ZNG1A: variants seen among roughly 807,000 people sequenced by gnomAD.
ZNG1A encodes Zn regulated GTPase metalloprotein activator 1A.
chr9:171,216 C>A, the ZNG1A span, among the ~76,000 whole-genome samples: 1 of 152,056 alleles, frequency 6.6e-6, no homozygotes. Context: ...AACCACTGAT[C>A]ACATTTGAAC....
At chr9:148,702 C>A in the ZNG1A span, 1 of 145,776 alleles carries the variant, frequency 6.9e-6, no homozygotes, top group African/African-American at 2.6e-5. Flanking sequence ...ATTTCTTGAA[C>A]TCTCTATTCC....
At chr9:144,784 T>A in the ZNG1A span, among the ~76,000 whole-genome samples, 1 of 150,988 alleles carries the variant, frequency 6.6e-6, no homozygotes. Flanking sequence ...AGAAAATTTT[T>A]GCAACCTACT....
At chr9:155,396 G>C in the ZNG1A span, among the ~76,000 whole-genome samples, 2 of 151,444 alleles carry the variant, frequency 1.3e-5, no homozygotes, top group African/African-American at 4.9e-5. Flanking sequence ...AGTCCAACCT[G>C]GGCAACATAG....
At chr9:171,684 T>C in the ZNG1A span, 1 of 250,638 alleles carries the variant, frequency 4.0e-6, no homozygotes, top group South Asian at 4.8e-5. Context: ...CACCATTTTA[T>C]GTAAGGGACT....
At chr9:128,446 C>G in the ZNG1A span, among the ~76,000 whole-genome samples, 6 of 151,424 alleles carry the variant, frequency 4.0e-5, no homozygotes, top group Non-Finnish European at 5.9e-5. Flanking sequence ...TCTGAATTTC[C>G]TTCTTCTACT....
the ZNG1A span, chr9:154,273 T>C: frequency 5.7e-6 from 1 of 175,836 alleles, no homozygotes; most frequent in Non-Finnish European, 1.1e-5. Flanking sequence ...CAGAATAGGC[T>C]CTATAGAATA....
the ZNG1A span, among the ~76,000 whole-genome samples, chr9:145,344 T>G: frequency 2.0e-5 from 3 of 150,130 alleles, no homozygotes; most frequent in Non-Finnish European, 4.5e-5. Context: ...GTGGCACATA[T>G]ACACCATGGA....
the ZNG1A span, among the ~76,000 whole-genome samples, chr9:132,352 T>TAAA: frequency 4.2e-4 from 38 of 91,174 alleles, no homozygotes; most frequent in African/African-American, 1.0e-3. Flanking sequence ...CCATCTCTAC[T>TAAA]AAAAAAAAAA....
the ZNG1A span, among the ~76,000 whole-genome samples, chr9:163,417 C>T: frequency 6.6e-6 from 1 of 151,562 alleles, no homozygotes; most frequent in African/African-American, 2.4e-5. Context: ...ACCTACAAAG[C>T]ATTTTTTTTT....
chr9:156,386 G>A, the ZNG1A span: 6 of 1,457,690 alleles, frequency 4.1e-6, no homozygotes, highest in African/African-American at 8.6e-5. Flanking sequence ...CCTTGACTAT[G>A]TTTTAAAATT....
the ZNG1A span, among the ~76,000 whole-genome samples, chr9:178,419 C>A: frequency 1.4e-5 from 2 of 145,784 alleles, no homozygotes; most frequent in Non-Finnish European, 3.1e-5. Flanking sequence ...ACGGGACATC[C>A]TTTAATGGCA....
chr9:157,322 T>A, the ZNG1A span, among the ~76,000 whole-genome samples: 3 of 146,682 alleles, frequency 2.0e-5, no homozygotes, highest in Non-Finnish European at 3.0e-5. Flanking sequence ...CCTGTTTACA[T>A]CCCTAACGTC....
the ZNG1A span, among the ~76,000 whole-genome samples, chr9:170,599 T>G: frequency 6.7e-6 from 1 of 149,622 alleles, no homozygotes; most frequent in African/African-American, 2.5e-5. Context: ...TTGGCTAGGC[T>G]GGTCTTGAAC....
chr9:142,709 A>T, the ZNG1A span, among the ~76,000 whole-genome samples: 2 of 142,562 alleles, frequency 1.4e-5, no homozygotes, highest in African/African-American at 5.5e-5. Context: ...GAACTGAAGG[A>T]AATAGAGACA....
chr9:144,890 A>T, the ZNG1A span, among the ~76,000 whole-genome samples: 1 of 151,640 alleles, frequency 6.6e-6, no homozygotes, highest in East Asian at 1.9e-4. Flanking sequence ...GGCGAAGGAC[A>T]TGAACAGACA....
the ZNG1A span, chr9:162,411 C>G: frequency 1.3e-5 from 20 of 1,483,348 alleles, no homozygotes; most frequent in Admixed American, 3.8e-4. Flanking sequence ...ATGACCCACT[C>G]ATAGCAATCT....
the ZNG1A span, chr9:122,060 G>T: frequency 2.5e-6 from 4 of 1,610,296 alleles, no homozygotes; most frequent in Admixed American, 1.7e-5. Flanking sequence ...ACAATCACTT[G>T]TTGTGATTTG....
the ZNG1A span, among the ~76,000 whole-genome samples, chr9:125,966 C>G: frequency 2.1e-5 from 1 of 48,658 alleles, no homozygotes; most frequent in Non-Finnish European, 3.8e-5. Context: ...AGTTTGAAAT[C>G]AGGTAATGTG....
chr9:160,158 A>G, the ZNG1A span: 8 of 454,534 alleles, frequency 1.8e-5, no homozygotes, highest in Middle Eastern at 6.8e-4. Context: ...TAAAAAATGA[A>G]TATTTCACAT....
Sources: allele counts gnomAD v4.1 joint callset (sites outside exome capture counted in the v4.1 genomes callset), GRCh38; gene constraint gnomAD v4.1.1; transcripts MANE v1.5; gene names NCBI Gene and HGNC (gene_info 2026-07-23, HGNC 2026-07-21).